Variants in RECQL observed in about 807,000 individuals in gnomAD.
The protein encoded by RECQL is ATP-dependent DNA helicase Q1.
Under a neutral mutation model 75.8 loss-of-function variants are expected in RECQL, and 73 were observed. That is an observed-to-expected ratio of 0.96 (90% CI 0.80 to 1.17). The LOEUF (loss-of-function observed/expected upper bound fraction) is 1.17, where lower values mean the gene tolerates loss of function less well. Ranked by LOEUF, RECQL falls within the 50% of genes most tolerant of loss-of-function variation. The pLI, the probability that RECQL is intolerant of heterozygous loss-of-function variation, is 0.00. For missense variants in RECQL, 699 were observed against 772.1 expected, an observed-to-expected ratio of 0.91 and a Z score of 1.12; for synonymous variants, 248 against 254.4, an observed-to-expected ratio of 0.97 and a Z score of 0.24.
intron 6 of RECQL, among the ~76,000 whole-genome samples, chr12:21,480,494 T>TA (rs960400488): frequency 2.0e-5 from 3 of 151,892 alleles, no homozygotes; most frequent in African/African-American, 7.3e-5. Context: ...AAAGGGAGGG[T>TA]AAATCAAGGA....
chr12:21,489,808 T>C (rs548958983), intron 4 of RECQL, among the ~76,000 whole-genome samples: 16 of 152,340 alleles, frequency 1.1e-4, no homozygotes, highest in South Asian at 8.3e-4. Context: ...CAATATGTTT[T>C]TAAATTTATG....
Position 21,486,687 on chromosome 12 carries a change from T to A in RECQL, c.395-102A>T, listed in dbSNP as rs1029494270. On this transcript the variant is annotated intron_variant, in intron 4 of 14. Transcript: ENST00000444129. ...TTTTTTTTTTTTTTTTTTTTTTTTT[T>A]AGAGATGGAGTCTCACTCTCTTGCC... 3.8e-4 allele frequency: 277 copies of A among 737,772 alleles called. 2 individuals are homozygous for A. Among genetic ancestry groups the A allele is most frequent in the Middle Eastern group, 1.3e-3 (3 of 2,248 alleles). 45.7% of individuals were successfully genotyped at this position (737,772 alleles called of 1,614,324 possible).
Position 21,471,500 on chromosome 12 carries a change from A to C in RECQL, c.1595T>G (p.Val532Gly), listed in dbSNP as rs1444820181. 6.2e-7 allele frequency: 1 copy of C among 1,613,146 alleles called. No homozygotes were observed. Among genetic ancestry groups the C allele is most frequent in the Admixed American group, 1.7e-5 (1 of 59,894 alleles). ...KGAAKLRVAG[V>G]VAPTLPREDL... ...TTCACGAGGAAGTGTGGGAGCCACA[A>C]CACCTGCTACTCTCAGTTTTGCTGC... Residue 532 changes from valine to glycine, a missense_variant, in exon 13 of 15, where the codon GTT becomes GGT. Physicochemically the swap from Val to Gly is moderately radical, Grantham distance 109 (BLOSUM62 -3). Transcript: ENST00000444129.
rs1942890145 is a variant in RECQL, at chr12:21,469,872, G to T, written c.*322C>A. 4 of 196,820 alleles carry T rather than the reference G, an allele frequency of 2.0e-5. No individual in the cohort carries two copies. The South Asian group carries it at 3.8e-4, about 19-fold the overall frequency. The allele number at this position is 196,820 out of a possible 1,614,324, so 12.2% of individuals were successfully genotyped here. A position where few individuals can be genotyped will look rare whatever the true frequency, so the allele number is the denominator to read the frequency against. On this transcript the variant is annotated 3_prime_UTR_variant, in exon 15 of 15. Coordinates refer to ENST00000444129, the MANE Select transcript of RECQL (RefSeq NM_002907.4). The stretch of plus-strand genomic sequence containing the variant: ...ATATTGCTTTCAAAAAGATAGTTAT[G>T]TCAAAAGAAAAAATATAGCTAAGTA...
intron 3 of RECQL, 96 bp from the exon 4 acceptor site, chr12:21,490,474 T>C (rs191706119): frequency 2.1e-5 from 15 of 727,340 alleles, no homozygotes; most frequent in East Asian, 2.6e-5. Context: ...CTAATACTTA[T>C]AGACCATTAA....
At chr12:21,483,140 C>A (rs1298293607) in intron 6 of RECQL, among the ~76,000 whole-genome samples, 1 of 152,126 alleles carries the variant, frequency 6.6e-6, no homozygotes, top group Non-Finnish European at 1.5e-5. Context: ...AAACATTCTG[C>A]CTCTCAGTCC....
chr12:21,476,273 G>A (rs116826518), intron 8 of RECQL, among the ~76,000 whole-genome samples: 1,891 of 152,106 alleles, frequency 0.012, 44 homozygotes, highest in African/African-American at 0.043. Context: ...CTTCTAGTTT[G>A]CTGATACACC....
chr12:21,478,280 C>CA (rs1042665881), intron 6 of RECQL, among the ~76,000 whole-genome samples: 2 of 151,938 alleles, frequency 1.3e-5, no homozygotes, highest in Non-Finnish European at 2.9e-5. Flanking sequence ...GTCATCAGAC[C>CA]AAAAAAATCT....
At chr12:21,483,645 T>G in intron 5 of RECQL, 71 bp from the exon 6 acceptor site, 3 of 1,109,894 alleles carry the variant, frequency 2.7e-6, no homozygotes, top group Non-Finnish European at 3.9e-6. Context: ...AGGTGGTAAA[T>G]GAAAACGTTC....
rs904918008 is a variant in RECQL, at chr12:21,477,969, T to C, written c.701A>G (p.Asp234Gly). 1.1e-5 allele frequency: 17 copies of C among 1,595,218 alleles called. No homozygotes were observed. Among genetic ancestry groups the C allele is most frequent in the Non-Finnish European group, 1.4e-5 (17 of 1,173,708 alleles). Reference sequence around the variant, plus strand: ...CTTTAAGATACCAAGTGCCTTATAATCTGAAAAAACAAACAAAGTGGCCCT... The same window carrying C: ...CTTTAAGATACCAAGTGCCTTATAACCTGAAAAAACAAACAAAGTGGCCCT... The part of the protein sequence containing the change: ...CSQWGHDFRP[D>G]YKALGILKRQ... Residue 234 changes from aspartate to glycine, a missense_variant and splice_region_variant, in exon 7 of 15, where the codon GAT becomes GGT. By Grantham distance (94) the Asp-to-Gly change is moderately conservative. This residue lies in a region of RECQL where 669 missense variants were observed against 713.5 expected (regional missense o/e 0.94). Coordinates refer to ENST00000444129, the MANE Select transcript of RECQL (RefSeq NM_002907.4).
At chr12:21,471,261 A>C in intron 13 of RECQL, 163 bp from the exon 14 acceptor site, 1 of 986,942 alleles carries the variant, frequency 1.0e-6, no homozygotes, top group South Asian at 2.0e-5. Flanking sequence ...TATTTTCGTT[A>C]CTTTTTTTTA....
At position 21,474,956 on chromosome 12, in the gene RECQL, A is replaced by G. The variant is rs1351176542; in HGVS notation, c.1240T>C (p.Cys414Arg). The change falls in exon 11 of 15, where the codon TGT becomes CGT. Residue 414 changes from cysteine to arginine, a missense_variant. Cys to Arg is a radical substitution (Grantham distance 180). Transcript: ENST00000444129. ...RAGRDDMKAD[C>R]ILYYGFGDIF... Reference sequence around the variant, plus strand: ...TCTCCAAAGCCGTAGTACAAAATACAGTCTGCTTTCATGTCATCTCGACCT... The same window carrying G: ...TCTCCAAAGCCGTAGTACAAAATACGGTCTGCTTTCATGTCATCTCGACCT... 13 of 1,612,920 alleles carry G rather than the reference A, an allele frequency of 8.1e-6. No individual in the cohort carries two copies. In the East Asian group the frequency reaches 2.7e-4, roughly 33 times the overall value.
chr12:21,472,003 G>A (rs1412260375), intron 12 of RECQL, among the ~76,000 whole-genome samples: 4 of 152,054 alleles, frequency 2.6e-5, no homozygotes, highest in Admixed American at 1.3e-4. Context: ...ATAGGCTCCT[G>A]AGTGAACTCT....
At position 21,475,544 on chromosome 12, in the gene RECQL, C is replaced by A. The variant is rs201739350; in HGVS notation, c.1140G>T (p.Lys380Asn). Residue 380 changes from lysine to asparagine, a missense_variant, in exon 10 of 15, where the codon AAG becomes AAT. By Grantham distance (94) the Lys-to-Asn change is moderately conservative (BLOSUM62 0). Coordinates refer to ENST00000444129, the MANE Select transcript of RECQL (RefSeq NM_002907.4). Reference protein sequence around the residue: ...ATVAFGMGIDKPDVRFVIHHS... With the variant: ...ATVAFGMGIDNPDVRFVIHHS... ...GATGGATAACAAACCTCACATCTGG[C>A]TTATCAATTCCCATACCAAATGCAA... 1.9e-6 allele frequency: 3 copies of A among 1,612,710 alleles called. No homozygotes were observed. The highest frequency in any genetic ancestry group is 1.1e-5 in the South Asian group (1 of 90,874).
At chr12:21,471,145 C>T (rs770708915) in intron 13 of RECQL, 47 bp from the exon 14 acceptor site, 4 of 1,515,404 alleles carry the variant, frequency 2.6e-6, no homozygotes, top group East Asian at 2.4e-5. Context: ...GAAGGAATCA[C>T]GGAAAACAAA....
intron 2 of RECQL, 25 bp from the exon 3 acceptor site, chr12:21,491,741 T>C (rs1405786928): frequency 6.4e-7 from 1 of 1,571,890 alleles, no homozygotes; most frequent in Non-Finnish European, 8.6e-7. Context: ...GCGGATACAA[T>C]GATTAGACAG....
chr12:21,500,469 G>A (rs952110037), intron 1 of RECQL, among the ~76,000 whole-genome samples: 10 of 152,178 alleles, frequency 6.6e-5, no homozygotes, highest in Non-Finnish European at 1.5e-4. Context: ...TTAGACTGCT[G>A]ACCTTACGCC....
intron 12 of RECQL, among the ~76,000 whole-genome samples, chr12:21,473,121 A>G (rs537685160): frequency 1.3e-5 from 2 of 152,204 alleles, no homozygotes; most frequent in African/African-American, 4.8e-5. Context: ...TACTTCTCTC[A>G]TGTCCCAGCT....
At chr12:21,489,487 T>TA (rs1279988075) in intron 4 of RECQL, among the ~76,000 whole-genome samples, 2 of 152,220 alleles carry the variant, frequency 1.3e-5, no homozygotes, top group African/African-American at 2.4e-5. Flanking sequence ...AGGTGATTCT[T>TA]ATGTACACTA....
Sources: gnomAD v4.1 joint callset for allele counts (sites outside exome capture counted in the v4.1 genomes callset) on GRCh38, gnomAD v4.1.1 for gene constraint, gnomAD v4.1.1 regional missense constraint, MANE v1.5 for transcripts, NCBI Gene and HGNC (gene_info 2026-07-23, HGNC 2026-07-21) for gene names.